Variants in CSRNP3 observed in about 807,000 individuals in gnomAD.
CSRNP3 encodes cysteine and serine rich nuclear protein 3.
In CSRNP3, 12 loss-of-function variants were observed where a neutral mutation model predicts 48.0. That is an observed-to-expected ratio of 0.25 (90% CI 0.16 to 0.41). The LOEUF (loss-of-function observed/expected upper bound fraction) is 0.41, where lower values mean the gene tolerates loss of function less well. Among genes scored for constraint, CSRNP3 ranks in the 10% least tolerant of loss-of-function variants. CSRNP3 has a pLI of 1.00. For synonymous variants in CSRNP3, 263 were observed against 269.7 expected (o/e 0.98, Z 0.24); for missense variants, 580 against 724.4 (o/e 0.80, Z 2.29).
intron 4 of CSRNP3, among the ~76,000 whole-genome samples, 185 bp from the exon 5 acceptor site, chr2:165,657,576 G>C (rs1359549729): frequency 6.6e-6 from 1 of 152,158 alleles, no homozygotes; most frequent in Non-Finnish European, 1.5e-5. Flanking sequence ...CTCTGCTGCA[G>C]CTAGAAGAAA....
intron 4 of CSRNP3, among the ~76,000 whole-genome samples, chr2:165,596,095 C>G (rs1382885285): frequency 6.6e-6 from 1 of 151,232 alleles, no homozygotes; most frequent in Non-Finnish European, 1.5e-5. Context: ...GCTGGGATTA[C>G]AGGCATGAGC....
intron 1 of CSRNP3, among the ~76,000 whole-genome samples, chr2:165,480,282 T>A (rs1016651990): frequency 6.6e-6 from 1 of 152,210 alleles, no homozygotes; most frequent in Non-Finnish European, 1.5e-5. Flanking sequence ...CTATCTGGTT[T>A]GGGTCTTTAA....
intron 1 of CSRNP3, among the ~76,000 whole-genome samples, chr2:165,487,820 G>A (rs979019700): frequency 1.4e-4 from 21 of 149,326 alleles, no homozygotes; most frequent in Middle Eastern, 3.4e-3. Flanking sequence ...AGGAACAACC[G>A]GTACCAGCCG....
intron 4 of CSRNP3, among the ~76,000 whole-genome samples, chr2:165,637,337 G>A (rs1250606756): frequency 1.3e-5 from 2 of 152,204 alleles, no homozygotes; most frequent in Non-Finnish European, 2.9e-5. Context: ...TAGAGATTTG[G>A]TGGAAACACT....
chr2:165,664,916 C>T (rs372377004), intron 5 of CSRNP3, among the ~76,000 whole-genome samples: 8 of 152,290 alleles, frequency 5.3e-5, no homozygotes, highest in Admixed American at 2.0e-4. Context: ...TAAGCCAACT[C>T]TGCATTATGA....
At chr2:165,541,155 T>TA (rs945803544) in intron 3 of CSRNP3, among the ~76,000 whole-genome samples, 2 of 152,064 alleles carry the variant, frequency 1.3e-5, no homozygotes, top group Admixed American at 1.3e-4. Flanking sequence ...AATCCCCATC[T>TA]AGAGTTTCTG....
intron 5 of CSRNP3, among the ~76,000 whole-genome samples, chr2:165,665,141 C>T (rs1239370529): frequency 6.6e-6 from 1 of 152,174 alleles, no homozygotes; most frequent in Non-Finnish European, 1.5e-5. Flanking sequence ...AGGATATCCT[C>T]TCAAGGTAGC....
At chr2:165,612,882 A>G (rs1380387649) in intron 4 of CSRNP3, among the ~76,000 whole-genome samples, 1 of 152,056 alleles carries the variant, frequency 6.6e-6, no homozygotes, top group Non-Finnish European at 1.5e-5. Context: ...GCGCTGCAGT[A>G]AAGTTGGTAT....
At chr2:165,558,158 G>A (rs1685184436) in intron 3 of CSRNP3, among the ~76,000 whole-genome samples, 1 of 152,142 alleles carries the variant, frequency 6.6e-6, no homozygotes, top group Non-Finnish European at 1.5e-5. Flanking sequence ...AAAAACTATT[G>A]TAGAGTAGAG....
chr2:165,563,928 CG>C (rs575959582), intron 3 of CSRNP3, among the ~76,000 whole-genome samples: 107 of 152,118 alleles, frequency 7.0e-4, no homozygotes, highest in South Asian at 6.7e-3. Flanking sequence ...AAATCTCCCC[CG>C]CTCCCCCCAG....
At chr2:165,642,118 A>T (rs1305466629) in intron 4 of CSRNP3, among the ~76,000 whole-genome samples, 1 of 148,392 alleles carries the variant, frequency 6.7e-6, no homozygotes, top group Non-Finnish European at 1.5e-5. Flanking sequence ...ACACACACAC[A>T]CACACACACA....
At chr2:165,535,958 T>G (rs1254731744) in intron 3 of CSRNP3, among the ~76,000 whole-genome samples, 1 of 151,846 alleles carries the variant, frequency 6.6e-6, no homozygotes, top group Non-Finnish European at 1.5e-5. Context: ...AAACAATGAC[T>G]TCTCTTCTCA....
intron 4 of CSRNP3, among the ~76,000 whole-genome samples, chr2:165,632,565 G>A (rs535682005): frequency 1.3e-5 from 2 of 152,144 alleles, no homozygotes; most frequent in South Asian, 2.1e-4. Context: ...CCCCATGAAT[G>A]TTCTATCCCT....
intron 4 of CSRNP3, among the ~76,000 whole-genome samples, chr2:165,629,809 C>CT (rs989727129): frequency 2.0e-5 from 3 of 152,084 alleles, no homozygotes; most frequent in African/African-American, 7.2e-5. Context: ...GATCTCCCTG[C>CT]TTTTTTTCCC....
Position 165,470,194 on chromosome 2 carries a change from A to G in CSRNP3, c.-283+454A>G, listed in dbSNP as rs145303615. Among the ~76,000 whole-genome samples, 102 of 152,230 alleles carry G rather than the reference A, an allele frequency of 6.7e-4. 1 individual carries two copies. Among genetic ancestry groups the G allele is most frequent in the East Asian group, 6.6e-3 (34 of 5,180 alleles). On this transcript the variant is annotated intron_variant, in intron 1 of 6. Coordinates refer to ENST00000651982, the MANE Select transcript of CSRNP3 (RefSeq NM_001172173.2). The stretch of plus-strand genomic sequence containing the variant: ...TGATGGCTTTTAATATTGACAATAC[A>G]GTAAAAGGCTTAGGAAAACTATTTT...
chr2:165,636,314 A>G (rs1344526243), intron 4 of CSRNP3, among the ~76,000 whole-genome samples: 5 of 152,248 alleles, frequency 3.3e-5, no homozygotes, highest in African/African-American at 1.2e-4. Context: ...GCATGTGTGC[A>G]TAATTGGATG....
At chr2:165,557,144 T>G (rs1467246379) in intron 3 of CSRNP3, among the ~76,000 whole-genome samples, 1 of 152,214 alleles carries the variant, frequency 6.6e-6, no homozygotes, top group East Asian at 1.9e-4. Context: ...GGTTTAAATT[T>G]TTAAGTGATT....
chr2:165,519,494 A>C (rs1461983212), intron 3 of CSRNP3, among the ~76,000 whole-genome samples: 1 of 152,168 alleles, frequency 6.6e-6, no homozygotes, highest in Non-Finnish European at 1.5e-5. Flanking sequence ...TCTCAAGAAA[A>C]CCTTTTTAAA....
chr2:165,484,219 A>C (rs1348019311), intron 1 of CSRNP3, among the ~76,000 whole-genome samples: 1 of 152,142 alleles, frequency 6.6e-6, no homozygotes, highest in East Asian at 1.9e-4. Flanking sequence ...CAGCCTCCCA[A>C]GTAGCTGGTG....
Sources: gnomAD v4.1 joint callset for allele counts (sites outside exome capture counted in the v4.1 genomes callset) on GRCh38, gnomAD v4.1.1 for gene constraint, MANE v1.5 for transcripts, NCBI Gene and HGNC (gene_info 2026-07-23, HGNC 2026-07-21) for gene names.